CAST: variants seen among roughly 807,000 people sequenced by gnomAD.
The protein encoded by CAST is MIR583 host.
A neutral mutation model predicts 119.6 loss-of-function variants in CAST; 76 were observed. That is an observed-to-expected ratio of 0.64 (90% CI 0.53 to 0.77). CAST has a LOEUF of 0.77. Ranked by LOEUF, CAST falls within the 30% of genes least tolerant of loss-of-function variation. The pLI, the probability that CAST is intolerant of heterozygous loss-of-function variation, is 0.00. For missense variants in CAST, 953 were observed against 946.5 expected (o/e 1.01, Z -0.09); for synonymous variants, 319 against 331.6 (o/e 0.96, Z 0.41).
the CAST span, among the ~76,000 whole-genome samples, chr5:95,997,682 A>T: frequency 6.6e-6 from 1 of 152,160 alleles, no homozygotes; most frequent in Non-Finnish European, 1.5e-5. Context: ...GAGTTCTGTC[A>T]TGCAATGTCC....
At chr5:96,714,498 C>G (rs1756843339) in intron 3 of CAST, 1 of 152,172 alleles carries the variant, frequency 6.6e-6, no homozygotes, top group Non-Finnish European at 1.5e-5. Context: ...CCTCATGGCT[C>G]CTGTAGTGCC....
intron 1 of CAST, among the ~76,000 whole-genome samples, chr5:96,548,735 G>A (rs1356540198): frequency 6.6e-6 from 1 of 152,188 alleles, no homozygotes; most frequent in Admixed American, 6.5e-5. Flanking sequence ...CCTCAATAAA[G>A]GGAGCATCTT....
At chr5:95,963,441 T>C in the CAST span, among the ~76,000 whole-genome samples, 1 of 152,222 alleles carries the variant, frequency 6.6e-6, no homozygotes, top group Non-Finnish European at 1.5e-5. Flanking sequence ...GTTTGTAAAT[T>C]GACTTAATTT....
At chr5:96,431,582 G>T in the CAST span, among the ~76,000 whole-genome samples, 1 of 152,182 alleles carries the variant, frequency 6.6e-6, no homozygotes, top group Non-Finnish European at 1.5e-5. Context: ...ACGAGGGCAA[G>T]GGCTGGCCAA....
intron 13 of CAST, 158 bp from the exon 14 acceptor site, chr5:96,741,108 C>T (rs1482350070): frequency 1.3e-5 from 8 of 608,340 alleles, no homozygotes; most frequent in East Asian, 8.2e-5. Context: ...TAGCCACTCT[C>T]TTCAAAACAT....
chr5:96,312,424 A>G, the CAST span, among the ~76,000 whole-genome samples: 11 of 151,988 alleles, frequency 7.2e-5, no homozygotes, highest in Admixed American at 7.2e-4. Flanking sequence ...TTTGACAAAC[A>G]TTTTATTGAC....
intron 2 of CAST, among the ~76,000 whole-genome samples, chr5:96,680,233 T>G (rs781704713): frequency 4.6e-5 from 7 of 151,248 alleles, no homozygotes; most frequent in Admixed American, 6.6e-5. Context: ...TGGGCGCCTA[T>G]AGTCCCAGCT....
intron 1 of CAST, among the ~76,000 whole-genome samples, chr5:96,664,362 T>C (rs909173105): frequency 6.6e-5 from 10 of 150,626 alleles, no homozygotes; most frequent in African/African-American, 5.0e-5. Context: ...TAAATATATG[T>C]GTGTGTGCAT....
chr5:96,187,737 G>C, the CAST span, among the ~76,000 whole-genome samples: 1 of 152,260 alleles, frequency 6.6e-6, no homozygotes, highest in African/African-American at 2.4e-5. Flanking sequence ...AGAAATTTTT[G>C]TTGAAGTAAA....
chr5:96,755,002 A>T (rs994250967), intron 22 of CAST: 1 of 250,068 alleles, frequency 4.0e-6, no homozygotes, highest in African/African-American at 2.3e-5. Context: ...ACAGCTTGTT[A>T]CAATACCAGA....
the CAST span, among the ~76,000 whole-genome samples, chr5:95,974,662 G>A: frequency 6.6e-6 from 1 of 152,168 alleles, no homozygotes; most frequent in Non-Finnish European, 1.5e-5. Context: ...ATCTTGAGGG[G>A]ATGGCCTTTC....
At chr5:96,160,429 AAGTATC>A in the CAST span, among the ~76,000 whole-genome samples, 2 of 152,158 alleles carry the variant, frequency 1.3e-5, no homozygotes, top group African/African-American at 4.8e-5. Context: ...ATGTTGTAGC[AAGTATC>A]AGTACTTTAT....
intron 11 of CAST, among the ~76,000 whole-genome samples, chr5:96,739,544 A>G (rs1376287085): frequency 2.0e-5 from 3 of 152,244 alleles, no homozygotes; most frequent in Non-Finnish European, 2.9e-5. Flanking sequence ...TATGTAAAAA[A>G]TGTTCTAAAA....
the CAST span, among the ~76,000 whole-genome samples, chr5:96,402,903 C>T: frequency 6.6e-6 from 1 of 152,134 alleles, no homozygotes; most frequent in Non-Finnish European, 1.5e-5. Context: ...ACCTGGTACA[C>T]TTGTAAATAG....
At chr5:96,422,727 C>T in the CAST span, among the ~76,000 whole-genome samples, 1 of 152,114 alleles carries the variant, frequency 6.6e-6, no homozygotes, top group Non-Finnish European at 1.5e-5. Flanking sequence ...ACACCAGCCT[C>T]CTGATCTAAA....
chr5:96,252,026 C>T, the CAST span, among the ~76,000 whole-genome samples: 2 of 152,116 alleles, frequency 1.3e-5, no homozygotes, highest in Non-Finnish European at 2.9e-5. Flanking sequence ...AAATGTAAGG[C>T]CACACTCTAG....
chr5:96,003,314 A>G, the CAST span, among the ~76,000 whole-genome samples: 9 of 152,084 alleles, frequency 5.9e-5, no homozygotes, highest in Non-Finnish European at 8.8e-5. Context: ...CGAGGAGGGC[A>G]GATCATGAGG....
chr5:96,170,463 G>C, the CAST span, among the ~76,000 whole-genome samples: 1 of 152,196 alleles, frequency 6.6e-6, no homozygotes, highest in African/African-American at 2.4e-5. Flanking sequence ...TTGCAACTCA[G>C]AAATACATTG....
chr5:96,153,791 T>G, the CAST span, among the ~76,000 whole-genome samples: 1 of 152,192 alleles, frequency 6.6e-6, no homozygotes, highest in South Asian at 2.1e-4. Flanking sequence ...TTACTAGCAC[T>G]AATAGTATTT....
Sources: gnomAD v4.1 joint callset for allele counts (sites outside exome capture counted in the v4.1 genomes callset) on GRCh38, gnomAD v4.1.1 for gene constraint, MANE v1.5 for transcripts, NCBI Gene and HGNC (gene_info 2026-07-23, HGNC 2026-07-21) for gene names.